Variants in CEP128 observed in about 807,000 individuals in gnomAD.
The protein encoded by CEP128 is centrosomal protein 128kDa.
Under a neutral mutation model 156.7 loss-of-function variants are expected in CEP128, and 132 were observed. The observed-to-expected ratio is 0.84, with a 90% CI of 0.73 to 0.97. The LOEUF (loss-of-function observed/expected upper bound fraction) is 0.97. CEP128 is among the 50% of genes least tolerant of loss of function. CEP128 has a pLI of 0.00. For synonymous variants in CEP128, 469 were observed against 448.9 expected, an observed-to-expected ratio of 1.04 and a Z score of -0.57; for missense variants, 1,252 against 1,281.9, an observed-to-expected ratio of 0.98 and a Z score of 0.36.
chr14:80,514,089 A>T (rs1234594065), intron 23 of CEP128, among the ~76,000 whole-genome samples: 1 of 152,234 alleles, frequency 6.6e-6, no homozygotes, highest in Admixed American at 6.5e-5. Flanking sequence ...TATTGATCCC[A>T]AGTCTTTAGA....
At chr14:80,661,210 G>GA (rs1895389186) in intron 19 of CEP128, among the ~76,000 whole-genome samples, 1 of 152,224 alleles carries the variant, frequency 6.6e-6, no homozygotes, top group African/African-American at 2.4e-5. Flanking sequence ...CCCCCCCACA[G>GA]AAAAATCAAC....
chr14:80,827,251 T>G (rs1278480566), intron 13 of CEP128, among the ~76,000 whole-genome samples: 1 of 152,208 alleles, frequency 6.6e-6, no homozygotes, highest in Non-Finnish European at 1.5e-5. Context: ...AACATAAATT[T>G]TTTACAACAT....
At chr14:80,819,239 CTTTTTT>C (rs1187431254) in intron 13 of CEP128, among the ~76,000 whole-genome samples, 1 of 82,748 alleles carries the variant, frequency 1.2e-5, no homozygotes, top group Admixed American at 1.7e-4. Flanking sequence ...TGGCATCTTC[CTTTTTT>C]TTTTTTTTTT....
intron 19 of CEP128, among the ~76,000 whole-genome samples, chr14:80,656,346 T>A (rs867890837): frequency 1.4e-3 from 97 of 70,834 alleles, no homozygotes; most frequent in Non-Finnish European, 2.0e-3. Context: ...TATATAGCAA[T>A]AAAAAAAAAA....
intron 17 of CEP128, among the ~76,000 whole-genome samples, chr14:80,759,732 T>C (rs557685074): frequency 1.3e-5 from 2 of 152,262 alleles, no homozygotes; most frequent in East Asian, 1.9e-4. Context: ...AGTCACTCCA[T>C]GTCTGAAAGC....
chr14:80,642,906 C>T (rs972463780), intron 19 of CEP128, among the ~76,000 whole-genome samples: 4 of 151,994 alleles, frequency 2.6e-5, no homozygotes, highest in African/African-American at 9.7e-5. Context: ...AGGCACGTGC[C>T]ACCACGCCTG....
At chr14:80,649,444 C>T (rs367783893) in intron 19 of CEP128, among the ~76,000 whole-genome samples, 3 of 151,906 alleles carry the variant, frequency 2.0e-5, no homozygotes, top group African/African-American at 7.2e-5. Flanking sequence ...GAAAAGAATG[C>T]TGAGTGAATA....
At chr14:80,631,345 T>C (rs1019830659) in intron 19 of CEP128, among the ~76,000 whole-genome samples, 3 of 151,984 alleles carry the variant, frequency 2.0e-5, no homozygotes, top group African/African-American at 7.2e-5. Context: ...TAGGAATAGC[T>C]TTTAGAATGA....
chr14:80,862,161 T>G (rs1419064698), intron 9 of CEP128, among the ~76,000 whole-genome samples: 5 of 152,246 alleles, frequency 3.3e-5, no homozygotes, highest in African/African-American at 1.2e-4. Context: ...AGACTTTTTC[T>G]GTAAAGGGCC....
At chr14:80,627,408 G>A (rs1893773562) in intron 19 of CEP128, among the ~76,000 whole-genome samples, 1 of 152,208 alleles carries the variant, frequency 6.6e-6, no homozygotes, top group Admixed American at 6.5e-5. Context: ...AAATATTCAT[G>A]CTCAAAGATG....
At chr14:80,682,633 A>G (rs1896368317) in intron 19 of CEP128, among the ~76,000 whole-genome samples, 2 of 152,196 alleles carry the variant, frequency 1.3e-5, no homozygotes, top group Non-Finnish European at 2.9e-5. Context: ...TCATCAAGGA[A>G]TATAGTCAGC....
downstream of CEP128, among the ~76,000 whole-genome samples, chr14:80,494,899 T>C (rs911332309): frequency 3.3e-5 from 5 of 152,172 alleles, no homozygotes; most frequent in African/African-American, 1.2e-4. Context: ...CAACTGGTTT[T>C]CAACCTTCCA....
downstream of CEP128, among the ~76,000 whole-genome samples, chr14:80,492,156 C>G (rs1887345780): frequency 6.6e-6 from 1 of 152,170 alleles, no homozygotes; most frequent in Non-Finnish European, 1.5e-5. Context: ...AGATGTGCAA[C>G]TGGACACACA....
chr14:80,601,294 T>C (rs12587285), intron 19 of CEP128, among the ~76,000 whole-genome samples: 18,336 of 152,158 alleles, frequency 0.12, 1,392 homozygotes, highest in East Asian at 0.32. Context: ...AAGTGTGGTG[T>C]TCTGAGAAAT....
intron 13 of CEP128, among the ~76,000 whole-genome samples, chr14:80,805,026 A>G (rs1236633829): frequency 2.6e-5 from 4 of 151,992 alleles, no homozygotes; most frequent in African/African-American, 9.7e-5. Flanking sequence ...GTACAACCCA[A>G]TAGCAATCAG....
chr14:80,610,292 T>C (rs184975369), intron 19 of CEP128, among the ~76,000 whole-genome samples: 68 of 152,312 alleles, frequency 4.5e-4, no homozygotes, highest in African/African-American at 1.5e-3. Flanking sequence ...CTAGGAATGC[T>C]ACTGTTTTTA....
At chr14:80,696,064 G>A (rs1285644719) in intron 19 of CEP128, among the ~76,000 whole-genome samples, 1 of 151,952 alleles carries the variant, frequency 6.6e-6, no homozygotes, top group African/African-American at 2.4e-5. Flanking sequence ...AGTAATAACT[G>A]GAAAAGAAAC....
intron 13 of CEP128, among the ~76,000 whole-genome samples, chr14:80,803,958 C>T (rs982265900): frequency 3.3e-5 from 5 of 151,844 alleles, no homozygotes; most frequent in African/African-American, 1.2e-4. Context: ...TATTGGTATA[C>T]CATATACATG....
chr14:80,858,757 A>T (rs1282416795), intron 9 of CEP128, among the ~76,000 whole-genome samples: 9 of 152,030 alleles, frequency 5.9e-5, no homozygotes, highest in Middle Eastern at 3.4e-3. Context: ...GACACTTTTC[A>T]AAAGAAGACA....
Sources: allele counts gnomAD v4.1 joint callset (sites outside exome capture counted in the v4.1 genomes callset), GRCh38; gene constraint gnomAD v4.1.1; transcripts MANE v1.5; gene names NCBI Gene and HGNC (gene_info 2026-07-23, HGNC 2026-07-21).